Variants in ZMYM5 observed in about 807,000 individuals in gnomAD.
ZMYM5 encodes the protein zinc finger MYM-type containing 5, also known as zinc finger MYM-type protein 5.
Under a neutral mutation model 61.8 loss-of-function variants are expected in ZMYM5, and 41 were observed. The observed-to-expected ratio is 0.66, with a 90% CI of 0.52 to 0.86. ZMYM5 has a LOEUF of 0.86. Ranked by LOEUF, ZMYM5 falls within the 40% of genes least tolerant of loss-of-function variation. ZMYM5 has a pLI of 0.00. For missense variants in ZMYM5, 706 were observed against 786.7 expected, an observed-to-expected ratio of 0.90 and a Z score of 1.23; for synonymous variants, 257 against 276.4, an observed-to-expected ratio of 0.93 and a Z score of 0.70.
chr13:19,855,074 G>A (rs1457164386), intron 2 of ZMYM5, among the ~76,000 whole-genome samples: 1 of 152,084 alleles, frequency 6.6e-6, no homozygotes, highest in Non-Finnish European at 1.5e-5. Context: ...AAGATTGGGG[G>A]CCAGGAATGT....
intron 2 of ZMYM5, among the ~76,000 whole-genome samples, chr13:19,852,554 A>C (rs1048727375): frequency 1.1e-4 from 17 of 152,216 alleles, no homozygotes; most frequent in African/African-American, 4.1e-4. Context: ...CTACTACAGC[A>C]TTTATGATAT....
chr13:19,835,740 A>AT (rs1952654276), intron 6 of ZMYM5, 51 bp from the exon 7 acceptor site: 1 of 1,271,366 alleles, frequency 7.9e-7, no homozygotes, highest in Non-Finnish European at 1.1e-6. Flanking sequence ...CCAGATTAGC[A>AT]TAGCAAGCAA....
At chr13:19,831,959 G>A (rs891816525) in intron 7 of ZMYM5, among the ~76,000 whole-genome samples, 7 of 151,104 alleles carry the variant, frequency 4.6e-5, no homozygotes, top group African/African-American at 1.5e-4. Context: ...AGGTTCAAGC[G>A]ATTCTCTTGC....
rs1224883950 is a variant in ZMYM5, at chr13:19,837,712, G to T, written c.982C>A (p.Leu328Ile). ...CLSPCENNWN[L>I]KKGVFNKSRC... ...GACTTATTAAAAACTCCTTTTTTAA[G>T]ATTCCAGTTGTTTTCACAGGGAGAC... Residue 328 changes from leucine to isoleucine, a missense_variant, in exon 6 of 8, where the codon CTT (leucine) becomes ATT (isoleucine). Coordinates refer to ENST00000337963, the MANE Select transcript of ZMYM5 (RefSeq NM_001142684.2). 1 of 1,577,078 alleles carries T rather than the reference G, an allele frequency of 6.3e-7. No individual in the cohort carries two copies. Among genetic ancestry groups the T allele is most frequent in the African/African-American group, 1.4e-5 (1 of 72,248 alleles).
chr13:19,839,030 T>C, intron 4 of ZMYM5, 45 bp from the exon 5 acceptor site: 1 of 1,579,252 alleles, frequency 6.3e-7, no homozygotes, highest in Non-Finnish European at 8.6e-7. Context: ...AATCAAAATG[T>C]ACATCAGAAA....
At chr13:19,843,095 C>T (rs1004402261) in intron 4 of ZMYM5, among the ~76,000 whole-genome samples, 3 of 150,988 alleles carry the variant, frequency 2.0e-5, no homozygotes, top group East Asian at 3.9e-4. Context: ...CAATTACAGG[C>T]GTGAGCCACT....
chr13:19,858,648 C>G (rs1188399162), intron 2 of ZMYM5, among the ~76,000 whole-genome samples: 1 of 150,062 alleles, frequency 6.7e-6, no homozygotes, highest in East Asian at 2.0e-4. Flanking sequence ...TCGTTCCCTT[C>G]CAAAACTCCC....
rs570278046 is a variant in ZMYM5 at position 19,848,594 on chromosome 13, A to C, written c.586+2761T>G. On this transcript the variant is annotated intron_variant, in intron 4 of 7. Transcript: ENST00000337963. Reference sequence around the variant, plus strand: ...TGTCGCCCAGGCTGGAGTGCAGTGGAGTGATCTGGGCTCACTGCAACCTCT... The same window carrying C: ...TGTCGCCCAGGCTGGAGTGCAGTGGCGTGATCTGGGCTCACTGCAACCTCT... 5.3e-5 allele frequency among the ~76,000 whole-genome samples: 8 copies of C among 150,118 alleles called. No homozygotes were observed. The South Asian group carries it at 1.7e-3, about 32-fold the overall frequency.
intron 4 of ZMYM5, 93 bp downstream of exon 4, chr13:19,851,262 A>G (rs2138611704): frequency 8.4e-7 from 1 of 1,192,736 alleles, no homozygotes; most frequent in East Asian, 2.4e-5. Context: ...AAGCAAAGCC[A>G]CAGAATGTGA....
intron 1 of ZMYM5, among the ~76,000 whole-genome samples, chr13:19,862,847 C>T (rs1218272460): frequency 1.3e-5 from 2 of 152,202 alleles, no homozygotes; most frequent in Non-Finnish European, 2.9e-5. Context: ...ACGGGCGGCG[C>T]GCATCACCTC....
chr13:19,847,803 A>ATT (rs34176871), intron 4 of ZMYM5, among the ~76,000 whole-genome samples: 47,119 of 80,064 alleles, frequency 0.59, 14,480 homozygotes, highest in East Asian at 0.71. Context: ...TGCCCGGCTA[A>ATT]TTTTTTTTTT....
intron 2 of ZMYM5, among the ~76,000 whole-genome samples, chr13:19,856,474 C>T (rs1008448077): frequency 2.2e-4 from 34 of 151,912 alleles, no homozygotes; most frequent in African/African-American, 7.7e-4. Context: ...AACCCCACCT[C>T]TACTAAAAAT....
rs946624086 is a variant in ZMYM5, at chr13:19,838,731, T to A, written c.841A>T (p.Thr281Ser). 6.2e-7 allele frequency: 1 copy of A among 1,614,128 alleles called. No homozygotes were observed. Among genetic ancestry groups the A allele is most frequent in the African/African-American group, 1.3e-5 (1 of 75,024 alleles). The change falls in exon 5 of 8, where the codon ACT becomes TCT. Residue 281 changes from threonine to serine, a missense_variant. Physicochemically the swap from Thr to Ser is moderately conservative, Grantham distance 58 (BLOSUM62 1). Coordinates refer to ENST00000337963, the MANE Select transcript of ZMYM5 (RefSeq NM_001142684.2). ...TCLSSFSHKR[T>S]QNTRSIICKK... Reference sequence around the variant, plus strand: ...CATATTATGCTTCGTGTGTTTTGAGTACGTTTATGAGAGAAGGAAGAAAGG... The same window carrying A: ...CATATTATGCTTCGTGTGTTTTGAGAACGTTTATGAGAGAAGGAAGAAAGG...
chr13:19,860,810 A>C (rs990629429), intron 2 of ZMYM5, among the ~76,000 whole-genome samples: 1 of 151,956 alleles, frequency 6.6e-6, no homozygotes, highest in Non-Finnish European at 1.5e-5. Context: ...CAGCAATAAG[A>C]ATTGAAAGAT....
intron 4 of ZMYM5, among the ~76,000 whole-genome samples, chr13:19,845,546 C>T (rs1418294924): frequency 6.6e-6 from 1 of 152,232 alleles, no homozygotes; most frequent in Non-Finnish European, 1.5e-5. Context: ...CTCAGCAAGA[C>T]TGCCCTCACT....
rs142528197 is a variant in ZMYM5 at position 19,827,666 on chromosome 13, A to C, written c.1252-2431T>G. Among the ~76,000 whole-genome samples, 420 of 152,276 alleles carry C rather than the reference A, an allele frequency of 2.8e-3. 1 individual carries two copies. Among genetic ancestry groups the C allele is most frequent in the African/African-American group, 9.6e-3 (397 of 41,556 alleles). ...CCATTTACTGAAATATGTTGTAATA[A>C]AGACACATTACCTATTTTGGTGTCA... On this transcript the variant is annotated intron_variant, in intron 7 of 7. Coordinates refer to ENST00000337963, the MANE Select transcript of ZMYM5 (RefSeq NM_001142684.2).
Position 19,838,870 on chromosome 13 carries a change from T to C in ZMYM5, c.702A>G (p.Gln234=), listed in dbSNP as rs1952764240. The change falls in exon 5 of 8, where the codon CAA becomes CAG. Residue 234 remains glutamine (Q), a synonymous_variant. Coordinates refer to ENST00000337963, the MANE Select transcript of ZMYM5 (RefSeq NM_001142684.2). ...TGATTTTAGCTGGTTTAGTAAGTTGTTGTTGGGCTGTAGGCTGGAAATTCT... is the reference window on the plus strand; with the variant it reads ...TGATTTTAGCTGGTTTAGTAAGTTGCTGTTGGGCTGTAGGCTGGAAATTCT... ...RKQNFQPTAQ[Q]QLTKPAKITC... is the part of the protein sequence containing the mutation. The C allele has an allele frequency of 6.2e-7, 1 of 1,614,160 alleles. No individual in the cohort carries two copies. The highest frequency in any genetic ancestry group is 1.3e-5 in the African/African-American group (1 of 75,046).
intron 7 of ZMYM5, among the ~76,000 whole-genome samples, chr13:19,832,138 G>A (rs891849032): frequency 1.9e-4 from 29 of 151,590 alleles, no homozygotes; most frequent in African/African-American, 6.8e-4. Context: ...GATTACAGGC[G>A]TGAGGCACCC....
chr13:19,845,606 C>G (rs1443849139), intron 4 of ZMYM5, among the ~76,000 whole-genome samples: 1 of 152,190 alleles, frequency 6.6e-6, no homozygotes, highest in Non-Finnish European at 1.5e-5. Context: ...CTGGGAGGGG[C>G]TCCCAAGGTT....
Sources: gnomAD v4.1 joint callset for allele counts (sites outside exome capture counted in the v4.1 genomes callset) on GRCh38, gnomAD v4.1.1 for gene constraint, MANE v1.5 for transcripts, NCBI Gene and HGNC (gene_info 2026-07-23, HGNC 2026-07-21) for gene names.